CAMTA1: variants seen among roughly 807,000 people sequenced by gnomAD.
CAMTA1 encodes the protein calmodulin binding transcription activator 1, also known as calmodulin-binding transcription activator 1.
CAMTA1 carries 27 observed loss-of-function variants against 170.9 expected under a neutral mutation model. The ratio of observed to expected loss-of-function variants is 0.16; its 90% CI spans 0.12 to 0.22. The LOEUF is 0.22. Among genes scored for constraint, CAMTA1 ranks in the 10% least tolerant of loss-of-function variants. CAMTA1 has a pLI of 1.00. For missense variants in CAMTA1, 1,619 were observed against 2,217.2 expected, an observed-to-expected ratio of 0.73 and a Z score of 5.42; for synonymous variants, 833 against 891.5, an observed-to-expected ratio of 0.93 and a Z score of 1.17.
At chr1:6,985,544 CG>C (rs1695218889) in intron 3 of CAMTA1, among the ~76,000 whole-genome samples, 1 of 152,194 alleles carries the variant, frequency 6.6e-6, no homozygotes, top group Non-Finnish European at 1.5e-5. Flanking sequence ...ATACTTTCAT[CG>C]GGGACCCGAT....
chr1:6,844,725 A>C (rs557726498), intron 3 of CAMTA1, among the ~76,000 whole-genome samples: 139 of 151,282 alleles, frequency 9.2e-4, no homozygotes, highest in African/African-American at 3.3e-3. Context: ...GTTTACTGAA[A>C]TGGTATATGG....
intron 4 of CAMTA1, among the ~76,000 whole-genome samples, chr1:7,187,075 G>A (rs900121681): frequency 1.2e-4 from 18 of 152,122 alleles, no homozygotes; most frequent in Non-Finnish European, 1.8e-4. Context: ...ATATAGGATG[G>A]GCAGTGAAGC....
intron 5 of CAMTA1, among the ~76,000 whole-genome samples, chr1:7,346,019 C>G (rs12568874): frequency 0.2 from 30,403 of 152,130 alleles, 3,843 homozygotes; most frequent in East Asian, 0.56. Context: ...CCAGAGAAGT[C>G]CAGGGACCAG....
rs1006793161 is a variant in CAMTA1, at chr1:7,585,319, G to A, written c.511-55081G>A. Among the ~76,000 whole-genome samples the A allele has an allele frequency of 7.2e-5, 11 of 152,202 alleles. No individual in the cohort carries two copies. Among genetic ancestry groups the A allele is most frequent in the African/African-American group, 2.7e-4 (11 of 41,446 alleles). On this transcript the variant is annotated intron_variant, in intron 6 of 22. Coordinates refer to ENST00000303635, the MANE Select transcript of CAMTA1 (RefSeq NM_015215.4). The surrounding 1 kb of genome is among the most constrained non-coding windows in gnomAD (Gnocchi z 4.8). ...AGAGTAGCCAAGAAGAGGCCTCTGC[G>A]GAGGGGCACCTGGCAGAGCCCTGAG...
chr1:7,404,425 A>G (rs545724984), intron 5 of CAMTA1, among the ~76,000 whole-genome samples: 3 of 152,204 alleles, frequency 2.0e-5, no homozygotes, highest in Non-Finnish European at 4.4e-5. Flanking sequence ...GTCACCCCCA[A>G]GTGTCCACGA....
chr1:7,107,511 G>A (rs1299134515), intron 4 of CAMTA1, among the ~76,000 whole-genome samples: 2 of 152,178 alleles, frequency 1.3e-5, no homozygotes, highest in Non-Finnish European at 2.9e-5. Flanking sequence ...CACACAGAGA[G>A]CAGATTAATT....
At chr1:7,019,095 C>G (rs976707491) in intron 3 of CAMTA1, among the ~76,000 whole-genome samples, 1 of 152,156 alleles carries the variant, frequency 6.6e-6, no homozygotes, top group Non-Finnish European at 1.5e-5. Context: ...GGCCCTGGCC[C>G]GGGAGTGGAG....
At chr1:7,528,829 GAATGAATGAAGT>G (rs539780944) in intron 6 of CAMTA1, among the ~76,000 whole-genome samples, 399 of 147,886 alleles carry the variant, frequency 2.7e-3, no homozygotes, top group Non-Finnish European at 4.1e-3. Context: ...ATGAATGAAT[GAATGAATGAAGT>G]GAGTGAATGA....
chr1:7,629,869 C>T (rs886404322), intron 6 of CAMTA1, among the ~76,000 whole-genome samples: 1 of 151,968 alleles, frequency 6.6e-6, no homozygotes, highest in Non-Finnish European at 1.5e-5. Context: ...GGTCCTCTCT[C>T]GGGGGGCCTG....
chr1:7,759,489 T>C (rs2096958980), intron 22 of CAMTA1, among the ~76,000 whole-genome samples: 1 of 152,216 alleles, frequency 6.6e-6, no homozygotes, highest in African/African-American at 2.4e-5. Context: ...AAACTCTCGA[T>C]ACTGTCATCA....
intron 3 of CAMTA1, among the ~76,000 whole-genome samples, chr1:6,945,855 A>G (rs1010768319): frequency 1.3e-5 from 2 of 152,202 alleles, no homozygotes; most frequent in African/African-American, 4.8e-5. Context: ...TTATTGCTGG[A>G]TAACATCCTG....
rs1359580041 is a variant in CAMTA1, at chr1:7,067,690, G to A, written c.235-23614G>A. ...GTTTTACCAGGCAAGGGCAACTTTT[G>A]ATGGTTTCCCCAATAGCATTCCCGT... On this transcript the variant is annotated intron_variant, in intron 3 of 22. Transcript: ENST00000303635. This position sits in a 1 kb window ranked among gnomAD's most constrained non-coding sequence, Gnocchi z 4.3. Among the ~76,000 whole-genome samples the A allele has an allele frequency of 6.6e-6, 1 of 152,188 alleles. No individual in the cohort carries two copies. Among genetic ancestry groups the A allele is most frequent in the East Asian group, 1.9e-4 (1 of 5,198 alleles).
At chr1:7,313,602 C>T (rs1245650851) in intron 5 of CAMTA1, among the ~76,000 whole-genome samples, 1 of 152,028 alleles carries the variant, frequency 6.6e-6, no homozygotes, top group Middle Eastern at 3.2e-3. Flanking sequence ...TCTTTTTCTC[C>T]TTAGCATTGG....
At chr1:7,318,190 C>T (rs1381155744) in intron 5 of CAMTA1, among the ~76,000 whole-genome samples, 1 of 152,206 alleles carries the variant, frequency 6.6e-6, no homozygotes, top group African/African-American at 2.4e-5. Context: ...CCAAATAAGG[C>T]AGAAATTTTC....
rs1402922769 is a variant in CAMTA1, at chr1:6,901,880, T to C, written c.234+76670T>C. On this transcript the variant is annotated intron_variant, in intron 3 of 22. Transcript: ENST00000303635. ...GGCCAACATGGTGAAACCCCGTCTC[T>C]ACTAAAAGTACAAAAATTAGCCGGG... Among the ~76,000 whole-genome samples, 5 of 152,178 alleles carry C rather than the reference T, an allele frequency of 3.3e-5. No homozygotes were observed. The East Asian group carries it at 9.7e-4, about 29-fold the overall frequency.
chr1:7,626,140 TA>T (rs1457424242), intron 6 of CAMTA1, among the ~76,000 whole-genome samples: 2 of 152,078 alleles, frequency 1.3e-5, no homozygotes, highest in Non-Finnish European at 2.9e-5. Flanking sequence ...GGGAACACAT[TA>T]AAAAAACATA....
rs531069447 is a variant in CAMTA1, at chr1:7,414,005, T to C, written c.439-53825T>C. Among the ~76,000 whole-genome samples, 418 of 152,342 alleles carry C rather than the reference T, an allele frequency of 2.7e-3. 3 individuals carry two copies. The highest frequency in any genetic ancestry group is 9.5e-3 in the African/African-American group (395 of 41,578). ...TTGTCAAAGGCCTTTTCTGCATCTA[T>C]TGAGATAATCATGTGGTTTTTGTCT... On this transcript the variant is annotated intron_variant, in intron 5 of 22. Coordinates refer to ENST00000303635, the MANE Select transcript of CAMTA1 (RefSeq NM_015215.4).
intron 3 of CAMTA1, among the ~76,000 whole-genome samples, chr1:6,947,306 T>C (rs534685020): frequency 3.3e-5 from 5 of 152,306 alleles, no homozygotes; most frequent in Admixed American, 2.0e-4. Flanking sequence ...CAAGACTGTT[T>C]ATTATTTGTA....
chr1:7,747,787 C>T lies in CAMTA1; in HGVS notation c.4689+6C>T. ...GTTACAGAAAATATAAACAGGTAAA[C>T]CTCAGTTTTGCACCACAGAAGGAAA... On this transcript the variant is annotated splice_donor_region_variant and intron_variant, in intron 19 of 22. Coordinates refer to ENST00000303635, the MANE Select transcript of CAMTA1 (RefSeq NM_015215.4). The T allele has an allele frequency of 6.2e-7, 1 of 1,605,708 alleles. No homozygotes were observed.
Sources: gnomAD v4.1 joint callset for allele counts (sites outside exome capture counted in the v4.1 genomes callset) on GRCh38, gnomAD v4.1.1 for gene constraint, Gnocchi (gnomAD v3.1) non-coding constraint, MANE v1.5 for transcripts, NCBI Gene and HGNC (gene_info 2026-07-23, HGNC 2026-07-21) for gene names.